The following BIVM variants were observed in gnomAD, a reference collection of about 807,000 sequenced individuals.
BIVM encodes basic immunoglobulin-like variable motif-containing protein.
A neutral mutation model predicts 61.4 loss-of-function variants in BIVM; 31 were observed. The observed-to-expected ratio is 0.51, with a 90% CI of 0.38 to 0.68. The LOEUF (loss-of-function observed/expected upper bound fraction) is 0.68, where lower values mean the gene tolerates loss of function less well. BIVM is among the 30% of genes least tolerant of loss of function. The pLI, the probability that BIVM is intolerant of heterozygous loss-of-function variation, is 0.00. For missense variants in BIVM, 526 were observed against 596.0 expected (o/e 0.88, Z 1.22); for synonymous variants, 189 against 210.7 (o/e 0.90, Z 0.89).
chr13:102,831,388 C>T (rs1881055761), intron 7 of BIVM, among the ~76,000 whole-genome samples, 177 bp from the exon 8 acceptor site: 1 of 152,200 alleles, frequency 6.6e-6, no homozygotes, highest in Non-Finnish European at 1.5e-5. Flanking sequence ...AAGAGTAAAA[C>T]AGAATACATT....
chr13:102,835,925 A>G (rs1324919109), intron 9 of BIVM, among the ~76,000 whole-genome samples: 4 of 152,194 alleles, frequency 2.6e-5, no homozygotes, highest in Non-Finnish European at 5.9e-5. Context: ...CAGTGTTTTC[A>G]ATGTCATCCA....
intron 8 of BIVM, among the ~76,000 whole-genome samples, chr13:102,833,205 G>A (rs1016226145): frequency 2.0e-5 from 3 of 151,888 alleles, no homozygotes; most frequent in Non-Finnish European, 4.4e-5. Context: ...CTGCACTCCA[G>A]CCTGGGCAAC....
chr13:102,829,642 C>A (rs539703220), intron 7 of BIVM, among the ~76,000 whole-genome samples: 279 of 152,038 alleles, frequency 1.8e-3, no homozygotes, highest in Non-Finnish European at 3.2e-3. Flanking sequence ...AATTTGAGAC[C>A]AGCCTGGCCA....
chr13:102,833,840 T>C (rs1037596255), intron 8 of BIVM, among the ~76,000 whole-genome samples: 7 of 152,232 alleles, frequency 4.6e-5, no homozygotes, highest in African/African-American at 7.2e-5. Context: ...TGGAATTTCT[T>C]GTAAGTGAGG....
chr13:102,818,459 A>G (rs1468605921), intron 4 of BIVM, among the ~76,000 whole-genome samples: 1 of 152,242 alleles, frequency 6.6e-6, no homozygotes, highest in Non-Finnish European at 1.5e-5. Flanking sequence ...GTAGGGAATA[A>G]TGGAGAAGAG....
chr13:102,818,397 G>A (rs144680921), intron 4 of BIVM, among the ~76,000 whole-genome samples: 11 of 152,274 alleles, frequency 7.2e-5, no homozygotes, highest in African/African-American at 2.2e-4. Flanking sequence ...AGCCATGGAC[G>A]ATTTCTTAAC....
At chr13:102,823,235 G>A (rs1380310550) in intron 7 of BIVM, among the ~76,000 whole-genome samples, 2 of 152,142 alleles carry the variant, frequency 1.3e-5, no homozygotes, top group Admixed American at 6.5e-5. Flanking sequence ...AGGGTATATG[G>A]TTTACCAAGG....
At position 102,816,475 on chromosome 13, in the gene BIVM, G is replaced by A; in HGVS notation, c.526G>A (p.Gly176Arg). The A allele has an allele frequency of 6.3e-7, 1 of 1,592,736 alleles. No individual in the cohort carries two copies. The change falls in exon 4 of 11, where the codon GGA (glycine) becomes AGA (arginine). Residue 176 changes from glycine to arginine, a missense_variant. Physicochemically the swap from Gly to Arg is moderately radical, Grantham distance 125. Transcript: ENST00000257336. ...VSKRKTSDKKGRYQKECPQHS... is the reference protein window; with the variant it reads ...VSKRKTSDKKRRYQKECPQHS... ...CAAGAGAAAAACTTCAGATAAAAAG[G>A]GAAGATATCAGAAGGAATGTCCTCA...
intron 2 of BIVM, among the ~76,000 whole-genome samples, chr13:102,806,409 C>G (rs894613685): frequency 6.6e-6 from 1 of 152,068 alleles, no homozygotes; most frequent in Non-Finnish European, 1.5e-5. Flanking sequence ...GCCACCATGC[C>G]TGGCTAATTT....
At chr13:102,827,213 T>G (rs1452666179) in intron 7 of BIVM, among the ~76,000 whole-genome samples, 1 of 152,076 alleles carries the variant, frequency 6.6e-6, no homozygotes, top group Non-Finnish European at 1.5e-5. Flanking sequence ...ATGTAATGAT[T>G]TGGTGCATGT....
chr13:102,807,193 T>C lies in BIVM; in HGVS notation c.-75T>C. The C allele has an allele frequency of 6.8e-7, 1 of 1,462,936 alleles. No homozygotes were observed. Among genetic ancestry groups the C allele is most frequent in the Non-Finnish European group, 9.1e-7 (1 of 1,093,906 alleles). The allele number at this position is 1,462,936 out of a possible 1,614,324, so 90.6% of individuals were successfully genotyped here. A position where few individuals can be genotyped will look rare whatever the true frequency, so the allele number is the denominator to read the frequency against. On this transcript the variant is annotated 5_prime_UTR_variant, in exon 3 of 11. Coordinates refer to ENST00000257336, the MANE Select transcript of BIVM (RefSeq NM_017693.4). This position sits in a 1 kb window ranked among gnomAD's most constrained non-coding sequence, Gnocchi z 4.0. ...GCTTTTATAGCATGCTGTAAACAAT[T>C]GTCAAAGTTGTTTATCAAGAAACAG...
chr13:102,827,876 C>T (rs1483916120), intron 7 of BIVM, among the ~76,000 whole-genome samples: 1 of 152,186 alleles, frequency 6.6e-6, no homozygotes, highest in Non-Finnish European at 1.5e-5. Flanking sequence ...CGTTCTCTCC[C>T]ATTGTGGAAG....
At chr13:102,828,250 A>G (rs1880811557) in intron 7 of BIVM, among the ~76,000 whole-genome samples, 1 of 152,240 alleles carries the variant, frequency 6.6e-6, no homozygotes. Context: ...GGAGTTGCCA[A>G]CATTAGGTCT....
chr13:102,816,281 T>G (rs9557934), intron 3 of BIVM, 147 bp from the exon 4 acceptor site: 31,073 of 698,764 alleles, frequency 0.044, 2,753 homozygotes, highest in East Asian at 0.4. Context: ...CCTGTGGCAG[T>G]TATTTATTTG....
In BIVM at chr13:102,815,977, C is replaced by CTTT. The variant is rs560729285; in HGVS notation, c.479-451_479-450insTTT. 1.2e-3 allele frequency among the ~76,000 whole-genome samples: 186 copies of CTTT among 152,342 alleles called. 1 individual carries two copies. Among genetic ancestry groups the CTTT allele is most frequent in the African/African-American group, 4.3e-3 (178 of 41,580 alleles). On this transcript the variant is annotated intron_variant, in intron 3 of 10. Coordinates refer to ENST00000257336, the MANE Select transcript of BIVM (RefSeq NM_017693.4). ...GGATCTGGTGCTTTTACTTTCTTAA[C>CTTT]AGAGTTGCTTTAATTTGGTTTTATT...
chr13:102,834,519 C>A lies in BIVM; in HGVS notation c.1088C>A (p.Ser363Ter). The A allele has an allele frequency of 6.3e-7, 1 of 1,591,064 alleles. No homozygotes were observed. Among genetic ancestry groups the A allele is most frequent in the Non-Finnish European group, 8.5e-7 (1 of 1,173,296 alleles). Residue 363 changes from serine (S) to a stop codon, truncating the protein, a stop_gained, in exon 9 of 11, where the codon TCA becomes TAA. Transcript: ENST00000257336. LOFTEE classifies it high-confidence loss of function. Reference sequence around the variant, plus strand: ...GAATATTGGATCTTAATTGGAGAATCAAGTAGAAAACATCCTGCCATTCAC... The same window carrying A: ...GAATATTGGATCTTAATTGGAGAATAAAGTAGAAAACATCCTGCCATTCAC... ...EVEYWILIGE[S>*]SRKHPAIHCK...
intron 4 of BIVM, among the ~76,000 whole-genome samples, chr13:102,817,213 T>C (rs185964338): frequency 5.9e-5 from 9 of 152,356 alleles, no homozygotes; most frequent in Admixed American, 5.2e-4. Context: ...GATTGACTTA[T>C]TGAAGAGACT....
intron 9 of BIVM, 84 bp from the exon 10 acceptor site, chr13:102,838,559 A>T: frequency 8.8e-7 from 1 of 1,137,866 alleles, no homozygotes; most frequent in South Asian, 1.8e-5. Context: ...ATAATATTGC[A>T]GCAACTTGCT....
intron 6 of BIVM, 39 bp from the exon 7 acceptor site, chr13:102,822,026 A>T (rs375901981): frequency 6.2e-7 from 1 of 1,604,060 alleles, no homozygotes; most frequent in African/African-American, 1.3e-5. Flanking sequence ...TCTTTGTTGT[A>T]GAATTGTTGC....
Sources: gnomAD v4.1 joint callset for allele counts (sites outside exome capture counted in the v4.1 genomes callset) on GRCh38, gnomAD v4.1.1 for gene constraint, Gnocchi (gnomAD v3.1) non-coding constraint, MANE v1.5 for transcripts, NCBI Gene and HGNC (gene_info 2026-07-23, HGNC 2026-07-21) for gene names.